Variants in LUZP2 observed in about 807,000 individuals in gnomAD.
The protein encoded by LUZP2 is leucine zipper protein 2.
Under a neutral mutation model 51.6 loss-of-function variants are expected in LUZP2, and 52 were observed. The ratio of observed to expected loss-of-function variants is 1.01; its 90% confidence interval spans 0.81 to 1.27. LUZP2 has a LOEUF of 1.27. LUZP2 is among the 50% of genes most tolerant of loss of function. The probability of loss-of-function intolerance (pLI) is 0.00; values close to 1 mark genes in which losing one functional copy is unlikely to be tolerated. For missense variants in LUZP2, 436 were observed against 395.4 expected (o/e 1.10, Z -0.87); for synonymous variants, 154 against 137.3 (o/e 1.12, Z -0.85).
rs751267153 is a variant in LUZP2 at position 25,079,850 on chromosome 11, G to A, written c.*1192G>A. On this transcript the variant is annotated 3_prime_UTR_variant, in exon 12 of 12. Transcript: ENST00000336930. ...TATTAAACCATTGGTTTTGCAGGAT[G>A]GATCTGTCAAACCACAATATATACA... The A allele has an allele frequency of 6.6e-6, 1 of 152,052 alleles. No homozygotes were observed. Among genetic ancestry groups the A allele is most frequent in the Non-Finnish European group, 1.5e-5 (1 of 68,002 alleles). 9.4% of individuals were successfully genotyped at this position (152,052 alleles called of 1,614,324 possible).
At chr11:24,562,104 C>A (rs944135619) in intron 1 of LUZP2, among the ~76,000 whole-genome samples, 1 of 152,034 alleles carries the variant, frequency 6.6e-6, no homozygotes, top group African/African-American at 2.4e-5. Context: ...GAGGTATCTA[C>A]GTTAGTTTTT....
rs571175698 is a variant in LUZP2 at position 24,805,294 on chromosome 11, A to G, written c.396+41986A>G. On this transcript the variant is annotated intron_variant, in intron 5 of 11. Coordinates refer to ENST00000336930, the MANE Select transcript of LUZP2 (RefSeq NM_001009909.4). ...CATGAGAACAGCACAGGAAAGACCC[A>G]GCCCCATGATTCAATTACCTCCCAC... Among the ~76,000 whole-genome samples the G allele has an allele frequency of 9.9e-5, 15 of 152,212 alleles. No homozygotes were observed. In the East Asian group the frequency reaches 2.5e-3, roughly 26 times the overall value.
At chr11:24,711,097 C>T (rs1231305172) in intron 1 of LUZP2, among the ~76,000 whole-genome samples, 1 of 152,148 alleles carries the variant, frequency 6.6e-6, no homozygotes, top group African/African-American at 2.4e-5. Flanking sequence ...AGCTCCATAT[C>T]CTTCAAGGGC....
intron 7 of LUZP2, among the ~76,000 whole-genome samples, chr11:24,959,120 GT>G (rs1855307820): frequency 6.6e-6 from 1 of 152,094 alleles, no homozygotes; most frequent in African/African-American, 2.4e-5. Flanking sequence ...CTATATCTCT[GT>G]TTTGGTACCA....
chr11:24,968,589 T>A (rs188953776), intron 7 of LUZP2, among the ~76,000 whole-genome samples: 1 of 152,276 alleles, frequency 6.6e-6, no homozygotes, highest in East Asian at 1.9e-4. Context: ...ATTATTGCCC[T>A]TGTATAATTT....
intron 1 of LUZP2, among the ~76,000 whole-genome samples, chr11:24,544,873 A>T (rs1851490523): frequency 6.6e-6 from 1 of 152,150 alleles, no homozygotes; most frequent in Non-Finnish European, 1.5e-5. Context: ...ACTGTTTTCC[A>T]CAATGGCTGA....
At chr11:24,664,807 AGGATGTATGGAAATGCCT>A (rs573769967) in intron 1 of LUZP2, among the ~76,000 whole-genome samples, 1,685 of 152,260 alleles carry the variant, frequency 0.011, 17 homozygotes, top group South Asian at 0.038. Flanking sequence ...TAGATTTCAG[AGGATGTATGGAAATGCCT>A]GGATGTCCAG....
At chr11:24,919,726 G>C (rs1853965630) in intron 7 of LUZP2, among the ~76,000 whole-genome samples, 1 of 149,482 alleles carries the variant, frequency 6.7e-6, no homozygotes, top group African/African-American at 2.4e-5. Context: ...TTTTTAACTT[G>C]AGTTATAGTT....
intron 1 of LUZP2, among the ~76,000 whole-genome samples, chr11:24,540,056 G>C (rs1411656641): frequency 6.6e-6 from 1 of 151,858 alleles, no homozygotes; most frequent in African/African-American, 2.4e-5. Flanking sequence ...AAATTTAATA[G>C]AAACCTACCA....
At chr11:24,848,430 C>CGG (rs1851273002) in intron 5 of LUZP2, among the ~76,000 whole-genome samples, 1 of 152,156 alleles carries the variant, frequency 6.6e-6, no homozygotes, top group African/African-American at 2.4e-5. Flanking sequence ...ATTACCTCTG[C>CGG]TCTTGTCTCA....
intron 5 of LUZP2, among the ~76,000 whole-genome samples, chr11:24,873,399 C>A (rs185420283): frequency 1.4e-4 from 21 of 152,238 alleles, no homozygotes; most frequent in Admixed American, 1.1e-3. Context: ...GGTAGGGTGA[C>A]AAAAATGTTG....
At chr11:24,652,230 G>T (rs1479120879) in intron 1 of LUZP2, among the ~76,000 whole-genome samples, 1 of 152,040 alleles carries the variant, frequency 6.6e-6, no homozygotes, top group Non-Finnish European at 1.5e-5. Flanking sequence ...TGAAACCAAA[G>T]TTCAAGCTCT....
chr11:25,015,969 G>A (rs1483246554), intron 9 of LUZP2, among the ~76,000 whole-genome samples: 1 of 148,276 alleles, frequency 6.7e-6, no homozygotes, highest in Non-Finnish European at 1.5e-5. Context: ...CACCCAGGCT[G>A]GAGTGCAGTG....
At chr11:24,622,702 C>G (rs1232645136) in intron 1 of LUZP2, among the ~76,000 whole-genome samples, 1 of 152,142 alleles carries the variant, frequency 6.6e-6, no homozygotes, top group African/African-American at 2.4e-5. Flanking sequence ...CCTCCATTTA[C>G]TCATCTGGTA....
At chr11:24,499,682 C>A (rs1039429711) in intron 1 of LUZP2, among the ~76,000 whole-genome samples, 2 of 152,148 alleles carry the variant, frequency 1.3e-5, no homozygotes, top group African/African-American at 4.8e-5. Flanking sequence ...CTAGTTTTTC[C>A]TATAGCCTTT....
chr11:24,773,711 T>G (rs1415547710), intron 5 of LUZP2, among the ~76,000 whole-genome samples: 2 of 152,130 alleles, frequency 1.3e-5, no homozygotes, highest in Non-Finnish European at 2.9e-5. Context: ...GTCTCATGTC[T>G]CAGTAGCATT....
At chr11:24,939,036 T>A (rs1237773464) in intron 7 of LUZP2, among the ~76,000 whole-genome samples, 2 of 152,128 alleles carry the variant, frequency 1.3e-5, no homozygotes, top group Admixed American at 1.3e-4. Context: ...GCAATCTGAT[T>A]AATCAGATTT....
At chr11:24,597,388 C>T (rs1396484627) in intron 1 of LUZP2, among the ~76,000 whole-genome samples, 2 of 152,188 alleles carry the variant, frequency 1.3e-5, no homozygotes, top group East Asian at 3.9e-4. Flanking sequence ...GGATAAAACA[C>T]ACTTTAATTT....
chr11:24,680,426 G>A (rs1213767751), intron 1 of LUZP2, among the ~76,000 whole-genome samples: 2 of 152,208 alleles, frequency 1.3e-5, no homozygotes, highest in Non-Finnish European at 2.9e-5. Flanking sequence ...TCAGTGGGAA[G>A]GCTTTGTCTA....
Sources: gnomAD v4.1 joint callset for allele counts (sites outside exome capture counted in the v4.1 genomes callset) on GRCh38, gnomAD v4.1.1 for gene constraint, MANE v1.5 for transcripts, NCBI Gene and HGNC (gene_info 2026-07-23, HGNC 2026-07-21) for gene names.